GTPBP3: variants seen among roughly 807,000 people sequenced by gnomAD.
GTPBP3 encodes GTP binding protein 3, mitochondrial.
Under a neutral mutation model 42.0 loss-of-function variants are expected in GTPBP3, and 35 were observed. The observed-to-expected ratio is 0.83, with a 90% CI of 0.64 to 1.10. GTPBP3 has a LOEUF of 1.10. Among genes scored for constraint, GTPBP3 ranks in the 50% least tolerant of loss-of-function variants. The pLI is 0.00. For synonymous variants in GTPBP3, 332 were observed against 314.9 expected (o/e 1.05, Z -0.58); for missense variants, 691 against 685.2 (o/e 1.01, Z -0.09).
At position 17,342,076 on chromosome 19, in the gene GTPBP3, T is replaced by C. The variant is rs3903082; in HGVS notation, c.*373T>C. On this transcript the variant is annotated 3_prime_UTR_variant, in exon 9 of 9. Coordinates refer to ENST00000324894, the MANE Select transcript of GTPBP3 (RefSeq NM_032620.4). ...TTCCCTTCCCTTCCCTTCCCTTTCCTTTTCCCTTTCCCTTTCCCCTTCCCC... is the reference window on the plus strand; with the variant it reads ...TTCCCTTCCCTTCCCTTCCCTTTCCCTTTCCCTTTCCCTTTCCCCTTCCCC... 12,768 of 139,354 alleles carry C rather than the reference T, an allele frequency of 0.092. 629 individuals carry two copies. The highest frequency in any genetic ancestry group is 0.14 in the Middle Eastern group (40 of 290). The allele number at this position is 139,354 out of a possible 1,614,324, so 8.6% of individuals were successfully genotyped here.
Position 17,338,983 on chromosome 19 carries a change from T to C in GTPBP3, c.621T>C (p.Asp207=). 1 of 1,612,260 alleles carries C rather than the reference T, an allele frequency of 6.2e-7. No individual in the cohort carries two copies. Among genetic ancestry groups the C allele is most frequent in the Non-Finnish European group, 8.5e-7 (1 of 1,178,826 alleles). ...KALAHVEAYI[D]FGEDDNLEEG... ...TGGCCCACGTGGAGGCCTATATCGA[T>C]TTCGGCGAGGATGACAACCTGGAGG... The change falls in exon 5 of 9, where the codon GAT becomes GAC. Residue 207 remains aspartate, a synonymous_variant. Transcript: ENST00000324894.
upstream of GTPBP3, chr19:17,337,462 G>C (rs1417540619): frequency 3.2e-6 from 4 of 1,244,972 alleles, no homozygotes; most frequent in Non-Finnish European, 3.0e-6. Flanking sequence ...AGTATCTTCA[G>C]ACGGTGGGCA....
chr19:17,340,496 C>T (rs1156980098), intron 7 of GTPBP3, among the ~76,000 whole-genome samples: 3 of 150,480 alleles, frequency 2.0e-5, no homozygotes, highest in Admixed American at 2.0e-4. Context: ...CCCCTGTGCT[C>T]TGTCCACCCC....
Position 17,338,221 on chromosome 19 carries a change from G to A in GTPBP3, c.267G>A (p.Glu89=). The A allele has an allele frequency of 1.3e-6, 2 of 1,583,196 alleles. No individual in the cohort carries two copies. The highest frequency in any genetic ancestry group is 8.5e-7 in the Non-Finnish European group (1 of 1,170,392). The change falls in exon 2 of 9, where the codon GAG becomes GAA. Residue 89 remains glutamate, a synonymous_variant. Coordinates refer to ENST00000324894, the MANE Select transcript of GTPBP3 (RefSeq NM_032620.4). The part of the protein sequence containing the change: ...LRLLSDPRSG[E]PLDRALVLWF... ...TGCTCAGCGATCCCCGCTCCGGGGA[G>A]CCTCTGGACCGCGCACTGGTGCTCT...
chr19:17,340,843 G>A (rs879670486), intron 7 of GTPBP3: 4 of 142,760 alleles, frequency 2.8e-5, no homozygotes, highest in African/African-American at 1.4e-4. Context: ...ACTGTGCCCC[G>A]CCCCTCTTGC....
Position 17,341,469 on chromosome 19 carries a change from C to G in GTPBP3, c.1254-9C>G. 2.5e-6 allele frequency: 4 copies of G among 1,603,650 alleles called. No individual in the cohort carries two copies. Among genetic ancestry groups the G allele is most frequent in the Non-Finnish European group, 3.4e-6 (4 of 1,172,854 alleles). Reference sequence around the variant, plus strand: ...GGTCGGGAGAGACCATGTCTCTTGTCTCTTCCAGGTGTGGGGACCCGTCCA... The same window carrying G: ...GGTCGGGAGAGACCATGTCTCTTGTGTCTTCCAGGTGTGGGGACCCGTCCA... On this transcript the variant is annotated splice_polypyrimidine_tract_variant and intron_variant, in intron 8 of 8. Transcript: ENST00000324894.
intron 1 of GTPBP3, 169 bp downstream of exon 1, chr19:17,337,833 T>A: frequency 3.4e-6 from 4 of 1,190,804 alleles, no homozygotes; most frequent in Non-Finnish European, 4.6e-6. Context: ...GGTCTCCTTC[T>A]GGCCTCACAG....
intron 8 of GTPBP3, 30 bp from the exon 9 acceptor site, chr19:17,341,448 G>A (rs767582379): frequency 1.4e-5 from 22 of 1,591,104 alleles, no homozygotes; most frequent in Admixed American, 3.5e-5. Flanking sequence ...GTAAAAGGTC[G>A]GGAGAGACCA....
rs1174497205 is a variant in GTPBP3, at chr19:17,337,645, G to A, written c.34G>A (p.Ala12Thr). The change falls in exon 1 of 9, where the codon GCG becomes ACG. Residue 12 changes from alanine to threonine, a missense_variant. Coordinates refer to ENST00000324894, the MANE Select transcript of GTPBP3 (RefSeq NM_032620.4). ...WRGLWTLAAQ[A>T]ARGPRRLCTR... The stretch of plus-strand genomic sequence containing the variant: ...GGGGCTTTGGACCCTGGCGGCCCAA[G>A]CGGCACGTGGGCCTCGCAGGTGGGG... 1 of 1,333,418 alleles carries A rather than the reference G, an allele frequency of 7.5e-7. No individual in the cohort carries two copies. The highest frequency in any genetic ancestry group is 9.6e-7 in the Non-Finnish European group (1 of 1,036,990). The allele number at this position is 1,333,418 out of a possible 1,614,324, so 82.6% of individuals were successfully genotyped here.
In GTPBP3 at chr19:17,338,138, C is replaced by G. The variant is rs1169128645; in HGVS notation, c.184C>G (p.Leu62Val). The G allele has an allele frequency of 1.3e-6, 2 of 1,596,364 alleles. No homozygotes were observed. The highest frequency in any genetic ancestry group is 3.3e-5 in the Admixed American group (2 of 59,822). The change falls in exon 2 of 9, where the codon CTC becomes GTC. Residue 62 changes from leucine (L) to valine (V), a missense_variant. Coordinates refer to ENST00000324894, the MANE Select transcript of GTPBP3 (RefSeq NM_032620.4). ...RTSGPASGHA[L>V]RILTAPRDLP... is the part of the protein sequence containing the mutation. Reference sequence around the variant, plus strand: ...CAGCGGCCCCGCCAGCGGCCACGCCCTCCGAATTCTCACAGCACCCCGAGA... The same window carrying G: ...CAGCGGCCCCGCCAGCGGCCACGCCGTCCGAATTCTCACAGCACCCCGAGA...
At position 17,339,556 on chromosome 19, in the gene GTPBP3, G is replaced by A. The variant is rs140393384; in HGVS notation, c.931G>A (p.Val311Met). ...CGACACGGCTGGGTTGCGGGAGGGC[G>A]TGGGGCCCGTGGAGCAGGAGGGCGT... is the stretch of plus-strand genomic sequence containing the variant. ...LSDTAGLREG[V>M]GPVEQEGVRR... The change falls in exon 7 of 9, where the codon GTG becomes ATG. Residue 311 changes from valine to methionine, a missense_variant. Transcript: ENST00000324894. 108 of 1,612,390 alleles carry A rather than the reference G, an allele frequency of 6.7e-5. No homozygotes were observed. Among genetic ancestry groups the A allele is most frequent in the Non-Finnish European group, 8.3e-5 (98 of 1,179,674 alleles).
intron 7 of GTPBP3, among the ~76,000 whole-genome samples, chr19:17,339,910 C>G (rs1293561794): frequency 1.1e-5 from 1 of 91,214 alleles, no homozygotes; most frequent in Non-Finnish European, 2.1e-5. Context: ...CCACGCCGAA[C>G]TATTTTTTTT....
At chr19:17,338,813 C>G in intron 4 of GTPBP3, 72 bp downstream of exon 4, 1 of 1,540,386 alleles carries the variant, frequency 6.5e-7, no homozygotes, top group Non-Finnish European at 8.8e-7. Flanking sequence ...GACCCCCTCT[C>G]AATCCCGCAT....
At position 17,338,947 on chromosome 19, in the gene GTPBP3, C is replaced by T. The variant is rs781775396; in HGVS notation, c.592-7C>T. On this transcript the variant is annotated splice_region_variant and splice_polypyrimidine_tract_variant and intron_variant, in intron 4 of 8. Coordinates refer to ENST00000324894, the MANE Select transcript of GTPBP3 (RefSeq NM_032620.4). ...ACACACCACCTCTGCTCTCCCTGCC[C>T]CGCCAGGCTCTGGCCCACGTGGAGG... is the stretch of plus-strand genomic sequence containing the variant. 2.5e-6 allele frequency: 4 copies of T among 1,588,572 alleles called. No individual in the cohort carries two copies. Among genetic ancestry groups the T allele is most frequent in the Non-Finnish European group, 3.4e-6 (4 of 1,164,990 alleles).
upstream of GTPBP3, chr19:17,337,520 TTAC>T: frequency 7.8e-7 from 1 of 1,287,462 alleles, no homozygotes; most frequent in Admixed American, 3.9e-5. Flanking sequence ...GTTGAGCACT[TTAC>T]TAGTCAAGCC....
upstream of GTPBP3, chr19:17,335,124 T>C (rs1336905254): frequency 6.5e-7 from 1 of 1,535,888 alleles, no homozygotes; most frequent in African/African-American, 1.4e-5. Flanking sequence ...GAGATGGGCG[T>C]AAGTTGACTA....
chr19:17,335,048 C>T (rs890810888), upstream of GTPBP3: 4 of 1,536,026 alleles, frequency 2.6e-6, no homozygotes, highest in Admixed American at 2.0e-5. Flanking sequence ...TTCTTCTGGT[C>T]CCCGCCTCGG....
At chr19:17,338,809 C>T in intron 4 of GTPBP3, 68 bp downstream of exon 4, 2 of 1,540,456 alleles carry the variant, frequency 1.3e-6, no homozygotes, top group Non-Finnish European at 1.8e-6. Flanking sequence ...ATGAGACCCC[C>T]TCTCAATCCC....
In GTPBP3 at chr19:17,342,068, CCCTTT is replaced by C. The variant is rs1315687178; in HGVS notation, c.*371_*375del. ...TTATTTTCTTCCCTTCCCTTCCCTT[CCCTTT>C]CCTTTTCCCTTTCCCTTTCCCCTTC... is the stretch of plus-strand genomic sequence containing the variant. On this transcript the variant is annotated 3_prime_UTR_variant, in exon 9 of 9. Transcript: ENST00000324894. 5.9e-6 allele frequency: 1 copy of C among 170,802 alleles called. No individual in the cohort carries two copies. Among genetic ancestry groups the C allele is most frequent in the Non-Finnish European group, 1.2e-5 (1 of 82,572 alleles). The allele number at this position is 170,802 out of a possible 1,614,324, so 10.6% of individuals were successfully genotyped here.
Sources: gnomAD v4.1 joint callset for allele counts (sites outside exome capture counted in the v4.1 genomes callset) on GRCh38, gnomAD v4.1.1 for gene constraint, MANE v1.5 for transcripts, NCBI Gene and HGNC (gene_info 2026-07-23, HGNC 2026-07-21) for gene names.